RABGAP1: variants seen among roughly 807,000 people sequenced by gnomAD.
RABGAP1 encodes rab GTPase-activating protein 1.
In RABGAP1, 23 loss-of-function variants were observed where a neutral mutation model predicts 137.6. The ratio of observed to expected loss-of-function variants is 0.17; its 90% CI spans 0.12 to 0.24. The LOEUF (loss-of-function observed/expected upper bound fraction) is 0.24. Among genes scored for constraint, RABGAP1 ranks in the 10% least tolerant of loss-of-function variants. RABGAP1 has a pLI of 1.00. For missense variants in RABGAP1, 906 were observed against 1,275.8 expected, an observed-to-expected ratio of 0.71 and a Z score of 4.42; for synonymous variants, 451 against 450.7, an observed-to-expected ratio of 1.00 and a Z score of -0.01.
At chr9:123,085,994 C>A (rs2034854181) in intron 19 of RABGAP1, among the ~76,000 whole-genome samples, 1 of 152,144 alleles carries the variant, frequency 6.6e-6, no homozygotes, top group Non-Finnish European at 1.5e-5. Flanking sequence ...ACTGGAGATA[C>A]AATAGTAAGC....
At position 123,103,590 on chromosome 9, in the gene RABGAP1, T is replaced by TATAC. The variant is rs1554734040; in HGVS notation, c.*380_*381insCATA. ...CTAAACCTTTTTTTTTTAATATACA[T>TATAC]ATATATATATATATATATATATATA... On this transcript the variant is annotated 3_prime_UTR_variant, in exon 26 of 26. Transcript: ENST00000373647. 2.5e-3 allele frequency: 11 copies of TATAC among 4,316 alleles called. No homozygotes were observed. The African/African-American group carries it at 0.03, about 12-fold the overall frequency. The allele number at this position is 4,316 out of a possible 1,614,324, so 0.3% of individuals were successfully genotyped here.
chr9:123,055,548 T>TC (rs200216114), intron 13 of RABGAP1, among the ~76,000 whole-genome samples: 42 of 142,260 alleles, frequency 3.0e-4, no homozygotes, highest in African/African-American at 1.0e-3. Context: ...TTCTTCTTCT[T>TC]TTTTTTTTTT....
intron 4 of RABGAP1, among the ~76,000 whole-genome samples, chr9:122,988,627 T>G (rs1430981476): frequency 1.3e-5 from 2 of 151,946 alleles, no homozygotes; most frequent in South Asian, 2.1e-4. Flanking sequence ...CATAACAGAT[T>G]AGGTCATTTT....
intron 2 of RABGAP1, among the ~76,000 whole-genome samples, chr9:122,982,649 T>C (rs1296903685): frequency 6.6e-6 from 1 of 152,212 alleles, no homozygotes; most frequent in Non-Finnish European, 1.5e-5. Context: ...GGGCTGTCTT[T>C]TGCTTACTGC....
intron 2 of RABGAP1, among the ~76,000 whole-genome samples, chr9:122,967,841 C>T (rs1182755802): frequency 2.0e-5 from 3 of 151,952 alleles, no homozygotes; most frequent in Non-Finnish European, 4.4e-5. Context: ...ATTCTCCTGC[C>T]TCAGCCTCCT....
chr9:123,034,121 T>C (rs1162111255), intron 13 of RABGAP1: 1 of 169,664 alleles, frequency 5.9e-6, no homozygotes, highest in Non-Finnish European at 1.2e-5. Flanking sequence ...GTTCTTTGAT[T>C]AGGGCATTGG....
intron 2 of RABGAP1, among the ~76,000 whole-genome samples, chr9:122,972,858 G>A (rs1444162579): frequency 1.3e-5 from 2 of 151,852 alleles, no homozygotes; most frequent in African/African-American, 4.8e-5. Context: ...AGGTATGGCC[G>A]GGCGTGATGG....
chr9:123,038,517 C>CT (rs5900553), intron 13 of RABGAP1, among the ~76,000 whole-genome samples: 94,791 of 151,806 alleles, frequency 0.62, 36,740 homozygotes, highest in Non-Finnish European at 0.86. Flanking sequence ...TGCATGTTGA[C>CT]TTGGTATAGG....
At chr9:123,099,444 T>C (rs1372187882) in intron 23 of RABGAP1, 34 bp from the exon 24 acceptor site, 1 of 1,556,014 alleles carries the variant, frequency 6.4e-7, no homozygotes, top group South Asian at 1.1e-5. Flanking sequence ...TTACAATTGC[T>C]CAAGAGATTG....
At chr9:122,983,909 A>G (rs1836224598) in intron 2 of RABGAP1, among the ~76,000 whole-genome samples, 1 of 152,196 alleles carries the variant, frequency 6.6e-6, no homozygotes, top group Admixed American at 6.5e-5. Flanking sequence ...TTTATTTCTC[A>G]GGACTATTTT....
chr9:123,011,477 T>G (rs1371337898), intron 11 of RABGAP1, among the ~76,000 whole-genome samples: 3 of 147,410 alleles, frequency 2.0e-5, no homozygotes, highest in Non-Finnish European at 4.4e-5. Context: ...GAGCACTGAC[T>G]TTCTTCATGT....
At position 123,005,598 on chromosome 9, in the gene RABGAP1, G is replaced by A. The variant is rs559818553; in HGVS notation, c.1375-4756G>A. Among the ~76,000 whole-genome samples, 195 of 152,182 alleles carry A rather than the reference G, an allele frequency of 1.3e-3. 2 individuals carry two copies. In the Middle Eastern group the frequency reaches 0.034, roughly 27 times the overall value. Reference sequence around the variant, plus strand: ...AGTGCATAGAGATTTCCTCATTTCCGTTTTAATGGCTATTTAGTACTGTCC... The same window carrying A: ...AGTGCATAGAGATTTCCTCATTTCCATTTTAATGGCTATTTAGTACTGTCC... On this transcript the variant is annotated intron_variant, in intron 10 of 25. Coordinates refer to ENST00000373647, the MANE Select transcript of RABGAP1 (RefSeq NM_012197.4).
intron 13 of RABGAP1, among the ~76,000 whole-genome samples, chr9:123,061,359 C>T (rs1004770916): frequency 4.6e-5 from 7 of 152,230 alleles, no homozygotes; most frequent in African/African-American, 1.7e-4. Flanking sequence ...AAGTGGTTTA[C>T]TCGCCTCGGC....
upstream of RABGAP1, chr9:122,940,017 G>GC (rs1340839824): frequency 6.6e-6 from 1 of 152,210 alleles, no homozygotes; most frequent in Non-Finnish European, 1.5e-5. Context: ...AGTCTTATGA[G>GC]CCAGGTGCAG....
At chr9:122,958,399 T>G (rs1045994314) in intron 2 of RABGAP1, among the ~76,000 whole-genome samples, 10 of 152,026 alleles carry the variant, frequency 6.6e-5, no homozygotes, top group African/African-American at 2.4e-4. Flanking sequence ...TCAAGTAAAT[T>G]TAGGTGCTGT....
chr9:123,056,200 A>G (rs2033686581), intron 13 of RABGAP1, among the ~76,000 whole-genome samples: 1 of 152,248 alleles, frequency 6.6e-6, no homozygotes, highest in African/African-American at 2.4e-5. Flanking sequence ...GCAAGCAAAT[A>G]TATGTATGGT....
At chr9:122,954,460 T>C (rs1378478618) in intron 1 of RABGAP1, among the ~76,000 whole-genome samples, 1 of 152,214 alleles carries the variant, frequency 6.6e-6, no homozygotes, top group Non-Finnish European at 1.5e-5. Flanking sequence ...CCTATCACCT[T>C]CTCAAAGAAA....
intron 10 of RABGAP1, among the ~76,000 whole-genome samples, chr9:123,007,876 A>G (rs1412420260): frequency 6.7e-6 from 1 of 149,102 alleles, no homozygotes; most frequent in Admixed American, 6.7e-5. Context: ...TTTCATAAAT[A>G]TAATATATCT....
chr9:122,954,100 A>G (rs1215323823), intron 1 of RABGAP1, among the ~76,000 whole-genome samples: 1 of 152,222 alleles, frequency 6.6e-6, no homozygotes, highest in African/African-American at 2.4e-5. Context: ...TGAAGGATGA[A>G]GAATTAGAGT....
Sources: allele counts gnomAD v4.1 joint callset (sites outside exome capture counted in the v4.1 genomes callset), GRCh38; gene constraint gnomAD v4.1.1; transcripts MANE v1.5; gene names NCBI Gene and HGNC (gene_info 2026-07-23, HGNC 2026-07-21).